KIF2C: variants seen among roughly 807,000 people sequenced by gnomAD.
KIF2C encodes the protein kinesin-like protein KIF2C.
In KIF2C, 34 loss-of-function variants were observed where a neutral mutation model predicts 97.4. The observed-to-expected ratio is 0.35, with a 90% CI of 0.27 to 0.46. KIF2C has a LOEUF of 0.46. KIF2C is among the 20% of genes least tolerant of loss of function. The pLI, the probability that KIF2C is intolerant of heterozygous loss-of-function variation, is 1.00. For missense variants in KIF2C, 750 were observed against 907.6 expected, an observed-to-expected ratio of 0.83 and a Z score of 2.23; for synonymous variants, 313 against 318.2, an observed-to-expected ratio of 0.98 and a Z score of 0.17.
At chr1:44,742,023 TG>T (rs1379880733) in intron 2 of KIF2C, among the ~76,000 whole-genome samples, 1 of 124,238 alleles carries the variant, frequency 8.0e-6, no homozygotes, top group Non-Finnish European at 1.7e-5. Flanking sequence ...AAAAAAAGAA[TG>T]GTCCCCTTCC....
In KIF2C at chr1:44,755,986, A is replaced by G; in HGVS notation, c.814+3A>G. Reference sequence around the variant, plus strand: ...GAAACGCCCACTGAATAAGCAAGGTAAGTCCTGTTCAGTCAGGAAGAGGCT... The same window carrying G: ...GAAACGCCCACTGAATAAGCAAGGTGAGTCCTGTTCAGTCAGGAAGAGGCT... On this transcript the variant is annotated splice_donor_region_variant and intron_variant, in intron 9 of 20. Coordinates refer to ENST00000372224, the MANE Select transcript of KIF2C (RefSeq NM_006845.4). The G allele has an allele frequency of 1.2e-6, 2 of 1,614,136 alleles. No homozygotes were observed. The highest frequency in any genetic ancestry group is 1.7e-6 in the Non-Finnish European group (2 of 1,179,990).
In KIF2C at chr1:44,739,880, C is replaced by T. The variant is rs372643623; in HGVS notation, c.-53C>T. ...CGGCGTTAAGACTTCGTAGGGTTAGCGAAATTGAGGTTTCTTGGTATTGCG... is the reference window on the plus strand; with the variant it reads ...CGGCGTTAAGACTTCGTAGGGTTAGTGAAATTGAGGTTTCTTGGTATTGCG... On this transcript the variant is annotated 5_prime_UTR_variant, in exon 1 of 21. Transcript: ENST00000372224. The T allele has an allele frequency of 2.6e-6, 4 of 1,533,940 alleles. No individual in the cohort carries two copies. The highest frequency in any genetic ancestry group is 2.3e-5 in the East Asian group (1 of 44,428).
intron 10 of KIF2C, 117 bp from the exon 11 acceptor site, chr1:44,757,439 G>A: frequency 1.4e-6 from 1 of 703,176 alleles, no homozygotes; most frequent in Non-Finnish European, 2.6e-6. Flanking sequence ...AGGCAGGAGA[G>A]GAGTGCTATT....
Position 44,760,382 on chromosome 1 carries a change from G to C in KIF2C, c.1470G>C (p.Leu490Phe). ...GGAGAATGCATGGCAAGTTCTCTTTGGTAGATCTGGCAGGGAATGAGCGAG... is the reference window on the plus strand; with the variant it reads ...GGAGAATGCATGGCAAGTTCTCTTTCGTAGATCTGGCAGGGAATGAGCGAG... Reference protein sequence around the residue: ...AKGRMHGKFSLVDLAGNERGA... With the variant: ...AKGRMHGKFSFVDLAGNERGA... Residue 490 changes from leucine to phenylalanine, a missense_variant, in exon 15 of 21, where the codon TTG becomes TTC. By Grantham distance (22) the Leu-to-Phe change is conservative. Coordinates refer to ENST00000372224, the MANE Select transcript of KIF2C (RefSeq NM_006845.4). This position sits in a 1 kb window ranked among gnomAD's most constrained non-coding sequence, Gnocchi z 4.2. 3 of 1,614,234 alleles carry C rather than the reference G, an allele frequency of 1.9e-6. No homozygotes were observed. The highest frequency in any genetic ancestry group is 1.3e-5 in the African/African-American group (1 of 75,070).
chr1:44,746,523 A>G, intron 2 of KIF2C: 1 of 1,301,412 alleles, frequency 7.7e-7, no homozygotes. Flanking sequence ...CCCCCATTTG[A>G]CTCTCACCAG....
In KIF2C at chr1:44,755,901, T is replaced by G. The variant is rs781090185; in HGVS notation, c.760-28T>G. 1.9e-6 allele frequency: 3 copies of G among 1,611,936 alleles called. No individual in the cohort carries two copies. In the African/African-American group the frequency reaches 4.0e-5, roughly 22 times the overall value. ...TTGAAATTGCTCTGACCCTTTGCTG[T>G]TGGTTGCCTCCTCTCATCCGCTTGC... On this transcript the variant is annotated intron_variant, in intron 8 of 20. Coordinates refer to ENST00000372224, the MANE Select transcript of KIF2C (RefSeq NM_006845.4).
Position 44,756,099 on chromosome 1 carries a change from T to C in KIF2C, c.839T>C (p.Val280Ala), listed in dbSNP as rs1200648285. The C allele has an allele frequency of 3.7e-6, 6 of 1,614,062 alleles. No individual in the cohort carries two copies. Among genetic ancestry groups the C allele is most frequent in the Non-Finnish European group, 4.2e-6 (5 of 1,180,022 alleles). Reference protein sequence around the residue: ...KQELAKKEIDVISIPSKCLLL... With the variant: ...KQELAKKEIDAISIPSKCLLL... ...GAATTGGCCAAGAAAGAAATTGATG[T>C]GATTTCCATTCCTAGCAAGTGTCTC... is the stretch of plus-strand genomic sequence containing the variant. Residue 280 changes from valine (V) to alanine (A), a missense_variant, in exon 10 of 21, where the codon GTG (valine) becomes GCG (alanine). Coordinates refer to ENST00000372224, the MANE Select transcript of KIF2C (RefSeq NM_006845.4).
chr1:44,754,602 T>C (rs956088876), intron 7 of KIF2C, 148 bp from the exon 8 acceptor site: 10 of 719,310 alleles, frequency 1.4e-5, no homozygotes, highest in Admixed American at 1.3e-4. Flanking sequence ...CCCAGTGCTT[T>C]GTACCTGGCT....
At chr1:44,743,422 A>C (rs1649030837) in intron 2 of KIF2C, among the ~76,000 whole-genome samples, 2 of 152,202 alleles carry the variant, frequency 1.3e-5, no homozygotes, top group Non-Finnish European at 2.9e-5. Context: ...TGCTTCCAAA[A>C]TGCTAGACAC....
intron 4 of KIF2C, among the ~76,000 whole-genome samples, chr1:44,749,457 A>G (rs1293909876): frequency 6.6e-6 from 1 of 150,862 alleles, no homozygotes; most frequent in Non-Finnish European, 1.5e-5. Flanking sequence ...AAAAAAAATT[A>G]CAGATCATTT....
intron 2 of KIF2C, among the ~76,000 whole-genome samples, chr1:44,744,323 G>A (rs1200129297): frequency 6.6e-6 from 1 of 152,158 alleles, no homozygotes; most frequent in Non-Finnish European, 1.5e-5. Flanking sequence ...GACCAGGCTG[G>A]TCTCAAACTC....
chr1:44,759,402 A>G (rs2148831428), intron 14 of KIF2C, 54 bp downstream of exon 14: 2 of 1,604,488 alleles, frequency 1.2e-6, no homozygotes, highest in East Asian at 2.2e-5. Context: ...GTTTATGAGT[A>G]AAGTCTAGCT....
At chr1:44,750,690 A>G (rs948849118) in intron 5 of KIF2C, 126 bp downstream of exon 5, 54 of 1,091,810 alleles carry the variant, frequency 4.9e-5, no homozygotes, top group Non-Finnish European at 6.3e-5. Flanking sequence ...CTCCTGCCCT[A>G]CCAACACGGC....
Position 44,762,656 on chromosome 1 carries a change from C to A in KIF2C, c.1969C>A (p.Gln657Lys). ...KAMEELKEII[Q>K]QGPDWLELSE... ...TATGGAAGAGCTCAAGGAGATCATA[C>A]AGGTAGGCAGCTGGCCCTGGACAGG... The change falls in exon 19 of 21, where the codon CAG (glutamine) becomes AAG (lysine). Residue 657 changes from glutamine to lysine, a missense_variant and splice_region_variant. Transcript: ENST00000372224. 6.2e-7 allele frequency: 1 copy of A among 1,607,658 alleles called. No homozygotes were observed. Among genetic ancestry groups the A allele is most frequent in the Non-Finnish European group, 8.5e-7 (1 of 1,174,330 alleles).
chr1:44,760,551 A>C lies in KIF2C; in HGVS notation c.1573-41A>C. On this transcript the variant is annotated intron_variant, in intron 15 of 20. Coordinates refer to ENST00000372224, the MANE Select transcript of KIF2C (RefSeq NM_006845.4). The surrounding 1 kb of genome is among the most constrained non-coding windows in gnomAD (Gnocchi z 4.2). ...GGAAGGGATGGGGAGGGATCAGTGC[A>C]AGGAAAGAAGGGACCTCAGTTGTTC... The C allele has an allele frequency of 6.2e-7, 1 of 1,612,148 alleles. No homozygotes were observed. The highest frequency in any genetic ancestry group is 8.5e-7 in the Non-Finnish European group (1 of 1,178,812).
chr1:44,762,620 G>C lies in KIF2C; in HGVS notation c.1933G>C (p.Glu645Gln). The change falls in exon 19 of 21, where the codon GAG becomes CAG. Residue 645 changes from glutamate to glutamine, a missense_variant. Physicochemically the swap from Glu to Gln is conservative, Grantham distance 29. Transcript: ENST00000372224. ...AGCCATGACTCAGATCAGGGAGCTG[G>C]AGGAGAAGGCTATGGAAGAGCTCAA... Reference protein sequence around the residue: ...NEAMTQIRELEEKAMEELKEI... With the variant: ...NEAMTQIRELQEKAMEELKEI... The C allele has an allele frequency of 6.2e-7, 1 of 1,614,108 alleles. No individual in the cohort carries two copies. Among genetic ancestry groups the C allele is most frequent in the Non-Finnish European group, 8.5e-7 (1 of 1,180,002 alleles).
chr1:44,753,080 G>A (rs372895330), intron 5 of KIF2C, 52 bp from the exon 6 acceptor site: 38 of 1,574,848 alleles, frequency 2.4e-5, no homozygotes, highest in Non-Finnish European at 3.2e-5. Flanking sequence ...GCTCAGGTGA[G>A]ATGCCTGTGG....
At chr1:44,752,838 C>G (rs1018226983) in intron 5 of KIF2C, among the ~76,000 whole-genome samples, 1 of 152,200 alleles carries the variant, frequency 6.6e-6, no homozygotes, top group African/African-American at 2.4e-5. Flanking sequence ...GCCTGAGAAC[C>G]CATGCTTGGG....
Position 44,767,315 on chromosome 1 carries a change from T to A in KIF2C, c.*136T>A. 1.4e-6 allele frequency: 1 copy of A among 693,486 alleles called. No individual in the cohort carries two copies. The highest frequency in any genetic ancestry group is 2.5e-6 in the Non-Finnish European group (1 of 401,236). The allele number at this position is 693,486 out of a possible 1,614,324, so 43.0% of individuals were successfully genotyped here. On this transcript the variant is annotated 3_prime_UTR_variant, in exon 21 of 21. Transcript: ENST00000372224. ...CTGGTAAATGCCAAGTATGGGGGCA[T>A]CTGGGCCCAGGGCAGCTGGGGAGGG...
Sources: allele counts gnomAD v4.1 joint callset (sites outside exome capture counted in the v4.1 genomes callset), GRCh38; gene constraint gnomAD v4.1.1; non-coding constraint Gnocchi (gnomAD v3.1); transcripts MANE v1.5; gene names NCBI Gene and HGNC (gene_info 2026-07-23, HGNC 2026-07-21).